Variants in NRG3 observed in about 807,000 individuals in gnomAD.
The protein encoded by NRG3 is pro-neuregulin-3, membrane-bound isoform.
In NRG3, 31 loss-of-function variants were observed where a neutral mutation model predicts 66.9. That is an observed-to-expected ratio of 0.46 (90% confidence interval 0.35 to 0.63). The LOEUF (loss-of-function observed/expected upper bound fraction) is 0.63, where lower values mean the gene tolerates loss of function less well. NRG3 is among the 20% of genes least tolerant of loss of function. The probability of loss-of-function intolerance (pLI) is 0.00; values close to 1 mark genes in which losing one functional copy is unlikely to be tolerated. For missense variants in NRG3, 910 were observed against 878.9 expected, an observed-to-expected ratio of 1.04 and a Z score of -0.45; for synonymous variants, 393 against 359.4, an observed-to-expected ratio of 1.09 and a Z score of -1.06.
At chr10:82,387,548 A>AT (rs1291875058) in intron 2 of NRG3, among the ~76,000 whole-genome samples, 5 of 152,302 alleles carry the variant, frequency 3.3e-5, no homozygotes, top group South Asian at 2.1e-4. Flanking sequence ...AAATCTGAAC[A>AT]TTTTTTAGCT....
chr10:82,258,665 A>C (rs567631629), intron 1 of NRG3, among the ~76,000 whole-genome samples: 8 of 152,360 alleles, frequency 5.3e-5, no homozygotes, highest in Admixed American at 5.2e-4. Context: ...GAGTGCCAGC[A>C]TTCAAACAGG....
chr10:82,000,902 T>C (rs1292668356), intron 1 of NRG3, among the ~76,000 whole-genome samples: 1 of 152,194 alleles, frequency 6.6e-6, no homozygotes, highest in Non-Finnish European at 1.5e-5. Flanking sequence ...TCTGGGTTTG[T>C]TTTTTCTCTT....
chr10:81,881,015 A>T (rs1842131197), intron 1 of NRG3, among the ~76,000 whole-genome samples: 1 of 152,202 alleles, frequency 6.6e-6, no homozygotes, highest in South Asian at 2.1e-4. Flanking sequence ...ACTTACCTAC[A>T]TAAATGTTTC....
chr10:81,964,945 T>C (rs544822808), intron 1 of NRG3, among the ~76,000 whole-genome samples: 5 of 152,230 alleles, frequency 3.3e-5, no homozygotes, highest in Non-Finnish European at 7.3e-5. Context: ...TCTTGAAACT[T>C]CATTTTGTTC....
At chr10:82,392,427 T>A (rs1321049930) in intron 2 of NRG3, among the ~76,000 whole-genome samples, 2 of 152,182 alleles carry the variant, frequency 1.3e-5, no homozygotes, top group African/African-American at 4.8e-5. Flanking sequence ...AAGTTGACTT[T>A]GTGTACTAAT....
intron 3 of NRG3, among the ~76,000 whole-genome samples, chr10:82,833,189 A>G (rs1189001253): frequency 2.6e-5 from 4 of 152,190 alleles, no homozygotes; most frequent in Admixed American, 2.6e-4. Context: ...TCTAATGCCT[A>G]AAAATATATG....
intron 1 of NRG3, among the ~76,000 whole-genome samples, chr10:81,880,169 A>G (rs1184742410): frequency 2.6e-5 from 4 of 152,076 alleles, no homozygotes; most frequent in Non-Finnish European, 5.9e-5. Flanking sequence ...CATGGTCCTA[A>G]TTAAAAAAAG....
intron 3 of NRG3, among the ~76,000 whole-genome samples, chr10:82,821,699 T>C (rs1228397028): frequency 6.6e-6 from 1 of 152,188 alleles, no homozygotes; most frequent in Non-Finnish European, 1.5e-5. Flanking sequence ...ATTGCAATAC[T>C]GCATTTAACA....
intron 3 of NRG3, among the ~76,000 whole-genome samples, chr10:82,795,027 G>T (rs2060740104): frequency 1.3e-5 from 2 of 151,998 alleles, no homozygotes; most frequent in Admixed American, 1.3e-4. Context: ...TGAGAAAGAG[G>T]GAATATATAA....
chr10:82,673,429 TA>T, intron 2 of NRG3, among the ~76,000 whole-genome samples: 2 of 152,372 alleles, frequency 1.3e-5, no homozygotes, highest in Non-Finnish European at 2.9e-5. Flanking sequence ...AATTAGCCTA[TA>T]GTAAAATTGT....
intron 1 of NRG3, among the ~76,000 whole-genome samples, chr10:82,239,270 C>A (rs2076901772): frequency 6.6e-6 from 1 of 152,004 alleles, no homozygotes; most frequent in Non-Finnish European, 1.5e-5. Context: ...AGATGGGAGT[C>A]TTGCCCTGTT....
At chr10:82,130,929 A>T (rs2068778544) in intron 1 of NRG3, among the ~76,000 whole-genome samples, 1 of 152,050 alleles carries the variant, frequency 6.6e-6, no homozygotes, top group African/African-American at 2.4e-5. Context: ...CTCCTTATGT[A>T]TTCTGGTTAT....
chr10:82,058,992 C>T (rs549839964), intron 1 of NRG3, among the ~76,000 whole-genome samples: 8 of 152,132 alleles, frequency 5.3e-5, no homozygotes, highest in African/African-American at 9.6e-5. Context: ...AAAGTCATGC[C>T]GAGGCAACAT....
At chr10:82,584,584 C>T (rs757560822) in intron 2 of NRG3, among the ~76,000 whole-genome samples, 10 of 152,282 alleles carry the variant, frequency 6.6e-5, no homozygotes, top group Admixed American at 4.6e-4. Context: ...CCTCACTTTC[C>T]TTTGGGAATG....
intron 1 of NRG3, among the ~76,000 whole-genome samples, chr10:81,970,186 G>A (rs992452314): frequency 3.9e-5 from 6 of 152,170 alleles, no homozygotes; most frequent in African/African-American, 1.4e-4. Context: ...AGGAACAGAG[G>A]AAAAGTAAAA....
chr10:82,661,160 C>T (rs1338147128), intron 2 of NRG3, among the ~76,000 whole-genome samples: 1 of 152,088 alleles, frequency 6.6e-6, no homozygotes, highest in South Asian at 2.1e-4. Context: ...CTGACAATTA[C>T]TCACTGGGCT....
intron 2 of NRG3, among the ~76,000 whole-genome samples, chr10:82,558,260 C>G (rs1439086840): frequency 6.6e-6 from 1 of 152,146 alleles, no homozygotes; most frequent in Non-Finnish European, 1.5e-5. Flanking sequence ...CCAGCTTGGC[C>G]ATTAGCAGGC....
At chr10:82,716,206 T>C (rs1023626183) in intron 2 of NRG3, among the ~76,000 whole-genome samples, 8 of 152,182 alleles carry the variant, frequency 5.3e-5, no homozygotes, top group Non-Finnish European at 1.2e-4. Flanking sequence ...CACGAAGACC[T>C]AAAGGTATGT....
intron 2 of NRG3, among the ~76,000 whole-genome samples, chr10:82,517,645 TTGTG>T (rs58746808): frequency 0.44 from 63,022 of 144,374 alleles, 16,781 homozygotes; most frequent in African/African-American, 0.76. Flanking sequence ...CCGTGTGTGT[TTGTG>T]TGTGTGTGTG....
Sources: allele counts gnomAD v4.1 joint callset (sites outside exome capture counted in the v4.1 genomes callset), GRCh38; gene constraint gnomAD v4.1.1; transcripts MANE v1.5; gene names NCBI Gene and HGNC (gene_info 2026-07-23, HGNC 2026-07-21).